Variants in CRYL1 observed in about 807,000 individuals in gnomAD.
The protein encoded by CRYL1 is crystallin lambda 1.
In CRYL1, 29 loss-of-function variants were observed where a neutral mutation model predicts 36.6. The observed-to-expected ratio is 0.79, with a 90% confidence interval of 0.59 to 1.08. CRYL1 has a LOEUF of 1.08. Among genes scored for constraint, CRYL1 ranks in the 50% least tolerant of loss-of-function variants. CRYL1 has a pLI of 0.00. For missense variants in CRYL1, 411 were observed against 407.9 expected, an observed-to-expected ratio of 1.01 and a Z score of -0.06; for synonymous variants, 152 against 151.5, an observed-to-expected ratio of 1.00 and a Z score of -0.02.
chr13:20,513,374 T>TACTGCC (rs1321368324), intron 1 of CRYL1: 3 of 152,310 alleles, frequency 2.0e-5, no homozygotes, highest in African/African-American at 4.8e-5. Flanking sequence ...CCCCAATAAT[T>TACTGCC]ACTGCCACTG....
At chr13:20,407,252 T>C (rs891735640) in intron 6 of CRYL1, among the ~76,000 whole-genome samples, 2 of 151,848 alleles carry the variant, frequency 1.3e-5, no homozygotes, top group Admixed American at 1.3e-4. Flanking sequence ...TCACTGTCTG[T>C]GATGAAGTTT....
Position 20,404,157 on chromosome 13 carries a change from T to C in CRYL1, c.932A>G (p.Lys311Arg), listed in dbSNP as rs773134718. 6.2e-7 allele frequency: 1 copy of C among 1,613,920 alleles called. No individual in the cohort carries two copies. The highest frequency in any genetic ancestry group is 8.5e-7 in the Non-Finnish European group (1 of 1,179,872). The stretch of plus-strand genomic sequence containing the variant: ...CTGGGGCTGCACTTGACTCTTCAAC[T>C]TGGCGAGTCTCATGAGGCACTCGTC... Reference protein sequence around the residue: ...WRDECLMRLAKLKSQVQPQ With the variant: ...WRDECLMRLARLKSQVQPQ Residue 311 changes from lysine (K) to arginine (R), a missense_variant, in exon 8 of 8, where the codon AAG becomes AGG. By Grantham distance (26) the Lys-to-Arg change is conservative (BLOSUM62 2). Transcript: ENST00000298248.
intron 3 of CRYL1, among the ~76,000 whole-genome samples, chr13:20,446,534 G>A (rs752214712): frequency 1.1e-4 from 16 of 152,242 alleles, no homozygotes; most frequent in Non-Finnish European, 1.9e-4. Context: ...ATTATTCTTT[G>A]TTGAGGGATT....
chr13:20,499,256 G>C (rs2033661919), intron 2 of CRYL1, among the ~76,000 whole-genome samples: 1 of 151,644 alleles, frequency 6.6e-6, no homozygotes, highest in Non-Finnish European at 1.5e-5. Flanking sequence ...TGAGGTTAGA[G>C]GATTGCTTGA....
At chr13:20,487,304 C>T (rs528268881) in intron 3 of CRYL1, among the ~76,000 whole-genome samples, 14 of 150,826 alleles carry the variant, frequency 9.3e-5, no homozygotes, top group African/African-American at 3.4e-4. Context: ...TGTATTATTA[C>T]AAAAGGAAAA....
At position 20,432,240 on chromosome 13, in the gene CRYL1, G is replaced by T. The variant is rs1248087668; in HGVS notation, c.495C>A (p.Ala165=). The T allele has an allele frequency of 1.9e-6, 3 of 1,613,626 alleles. No homozygotes were observed. The highest frequency in any genetic ancestry group is 2.5e-6 in the Non-Finnish European group (3 of 1,179,934). The change falls in exon 5 of 8, where the codon GCC becomes GCA. Residue 165 remains alanine (A), a synonymous_variant. Transcript: ENST00000298248. ...CGTGGGTTCTGTCCACTGTCGTAGG[G>T]GCCGTCTCCGGGTGGGGGACCAGCT... The part of the protein sequence containing the change: ...LVELVPHPET[A]PTTVDRTHAL...
intron 4 of CRYL1, among the ~76,000 whole-genome samples, chr13:20,434,814 C>T (rs1407159383): frequency 6.6e-6 from 1 of 151,930 alleles, no homozygotes; most frequent in Admixed American, 6.6e-5. Flanking sequence ...CCAAGACCAA[C>T]TCCGGACACA....
At chr13:20,483,786 C>T (rs1351337613) in intron 3 of CRYL1, among the ~76,000 whole-genome samples, 1 of 152,086 alleles carries the variant, frequency 6.6e-6, no homozygotes, top group African/African-American at 2.4e-5. Flanking sequence ...AGTAATCCAC[C>T]CGCTGTGGCC....
Position 20,456,236 on chromosome 13 carries a change from G to T in CRYL1, c.277-16482C>A, listed in dbSNP as rs530930158. Among the ~76,000 whole-genome samples, 4 of 152,210 alleles carry T rather than the reference G, an allele frequency of 2.6e-5. No homozygotes were observed. The South Asian group carries it at 8.3e-4, about 32-fold the overall frequency. On this transcript the variant is annotated intron_variant, in intron 3 of 7. Transcript: ENST00000298248. Reference sequence around the variant, plus strand: ...CACCTGTAATCCCAGAACTTTGAGAGGCCGAGGCGGGCGTATCACCTGAAG... The same window carrying T: ...CACCTGTAATCCCAGAACTTTGAGATGCCGAGGCGGGCGTATCACCTGAAG...
chr13:20,438,472 C>T (rs2137400921), intron 4 of CRYL1, among the ~76,000 whole-genome samples: 1 of 152,322 alleles, frequency 6.6e-6, no homozygotes, highest in South Asian at 2.1e-4. Flanking sequence ...TCTGTCCCAG[C>T]TCTTCAGAGT....
intron 6 of CRYL1, among the ~76,000 whole-genome samples, chr13:20,408,986 T>C (rs1336907265): frequency 1.3e-5 from 2 of 152,172 alleles, no homozygotes; most frequent in East Asian, 3.9e-4. Flanking sequence ...CTTCACAGAA[T>C]TGGAAAAAAC....
chr13:20,518,572 A>C (rs551187039), intron 1 of CRYL1, among the ~76,000 whole-genome samples: 1 of 152,246 alleles, frequency 6.6e-6, no homozygotes, highest in South Asian at 2.1e-4. Flanking sequence ...TTTGGTTTTT[A>C]CTGAGTGAGA....
intron 3 of CRYL1, among the ~76,000 whole-genome samples, chr13:20,452,353 C>A (rs184488837): frequency 1.3e-5 from 2 of 151,762 alleles, no homozygotes; most frequent in African/African-American, 4.8e-5. Flanking sequence ...GAAAAATATT[C>A]CTTGCAAACA....
chr13:20,446,106 A>T (rs1032664401), intron 3 of CRYL1, among the ~76,000 whole-genome samples: 4 of 151,924 alleles, frequency 2.6e-5, no homozygotes, highest in African/African-American at 4.8e-5. Context: ...TTTTTTAATT[A>T]TTTATTTTTT....
chr13:20,421,738 C>A (rs574613489), intron 5 of CRYL1, among the ~76,000 whole-genome samples: 1 of 152,250 alleles, frequency 6.6e-6, no homozygotes, highest in African/African-American at 2.4e-5. Flanking sequence ...ACTGCTCAAG[C>A]ACCTATTGGT....
intron 3 of CRYL1, among the ~76,000 whole-genome samples, chr13:20,456,492 A>G (rs371672066): frequency 1.5e-4 from 23 of 151,470 alleles, no homozygotes; most frequent in South Asian, 8.3e-4. Flanking sequence ...AAAAAAAAAA[A>G]AAAAGAAAAG....
chr13:20,420,701 T>TTTTTTTTTTTTTTTTTTTTGTGTG lies in CRYL1; in HGVS notation c.634-7315_634-7314insCACACAAAAAAAAAAAAAAAAAAA. On this transcript the variant is annotated intron_variant, in intron 5 of 7. Transcript: ENST00000298248. Reference sequence around the variant, plus strand: ...CTTTGACTTTTCTTTAAAATAGAGGTTGTGTGTGTGTGTGTGTGTGTGTGT... The same window carrying TTTTTTTTTTTTTTTTTTTTGTGTG: ...CTTTGACTTTTCTTTAAAATAGAGGTTTTTTTTTTTTTTTTTTTTGTGTGTGTGTGTGTGTGTGTGTGTGTGTGT... Among the ~76,000 whole-genome samples the TTTTTTTTTTTTTTTTTTTTGTGTG allele has an allele frequency of 1.8e-4, 4 of 21,840 alleles. 1 individual carries two copies. The highest frequency in any genetic ancestry group is 4.1e-4 in the Non-Finnish European group (3 of 7,326). The allele number at this position is 21,840 out of a possible 152,430, so 14.3% of individuals were successfully genotyped here. A position where few individuals can be genotyped will look rare whatever the true frequency, so the allele number is the denominator to read the frequency against.
At chr13:20,430,451 C>A (rs2032033716) in intron 5 of CRYL1, 1 of 985,268 alleles carries the variant, frequency 1.0e-6, no homozygotes, top group East Asian at 1.1e-4. Context: ...TAGCCAGTAA[C>A]ACAATGTCAC....
chr13:20,472,861 G>A (rs2033090447), intron 3 of CRYL1: 1 of 152,472 alleles, frequency 6.6e-6, no homozygotes, highest in Non-Finnish European at 1.5e-5. Flanking sequence ...GGAAATCACA[G>A]GACTTTGGCT....
Sources: allele counts gnomAD v4.1 joint callset (sites outside exome capture counted in the v4.1 genomes callset), GRCh38; gene constraint gnomAD v4.1.1; transcripts MANE v1.5; gene names NCBI Gene and HGNC (gene_info 2026-07-23, HGNC 2026-07-21).